PPP4R4: variants seen among roughly 807,000 people sequenced by gnomAD.
The protein encoded by PPP4R4 is serine/threonine-protein phosphatase 4 regulatory subunit 4.
A neutral mutation model predicts 121.8 loss-of-function variants in PPP4R4; 70 were observed. The observed-to-expected ratio is 0.57, with a 90% CI of 0.47 to 0.70. The LOEUF is 0.70. PPP4R4 is among the 30% of genes least tolerant of loss of function. The pLI, the probability that PPP4R4 is intolerant of heterozygous loss-of-function variation, is 0.00. For synonymous variants in PPP4R4, 348 were observed against 355.7 expected (o/e 0.98, Z 0.24); for missense variants, 875 against 1,033.6 (o/e 0.85, Z 2.10).
chr14:94,234,749 C>A, intron 7 of PPP4R4, 80 bp downstream of exon 7: 1 of 988,864 alleles, frequency 1.0e-6, no homozygotes, highest in Non-Finnish European at 1.6e-6. Context: ...TAAAAATGAT[C>A]ATAACAAGTA....
intron 3 of PPP4R4, among the ~76,000 whole-genome samples, chr14:94,219,896 G>A (rs993044052): frequency 3.3e-5 from 5 of 152,122 alleles, no homozygotes; most frequent in Non-Finnish European, 5.9e-5. Flanking sequence ...AACAGTTTTA[G>A]TCTAGTCTAG....
chr14:94,215,326 G>T (rs1031346705), intron 3 of PPP4R4, among the ~76,000 whole-genome samples: 2 of 152,102 alleles, frequency 1.3e-5, no homozygotes, highest in African/African-American at 4.8e-5. Flanking sequence ...CCAAGAAAAA[G>T]AAATAGTTTT....
intron 3 of PPP4R4, among the ~76,000 whole-genome samples, chr14:94,219,472 A>C (rs992748843): frequency 6.6e-6 from 1 of 152,236 alleles, no homozygotes; most frequent in Admixed American, 6.5e-5. Context: ...TGTAAAGGAA[A>C]TAACAATTCT....
At chr14:94,227,986 C>A in intron 3 of PPP4R4, 1 of 601,996 alleles carries the variant, frequency 1.7e-6, no homozygotes, top group Non-Finnish European at 2.1e-6. Flanking sequence ...AGACCACTTG[C>A]TGCTTCTGCT....
At chr14:94,227,528 C>T (rs1891785033) in intron 3 of PPP4R4, 6 of 1,322,574 alleles carry the variant, frequency 4.5e-6, no homozygotes, top group Non-Finnish European at 5.8e-6. Flanking sequence ...AAGAGAAAAA[C>T]CCAAATCCTG....
At chr14:94,203,861 CTT>C (rs370892471) in intron 2 of PPP4R4, among the ~76,000 whole-genome samples, 35 of 152,202 alleles carry the variant, frequency 2.3e-4, no homozygotes, top group African/African-American at 8.2e-4. Flanking sequence ...TCCCTCATGT[CTT>C]TTACCCATTT....
chr14:94,227,472 TG>T, intron 3 of PPP4R4: 1 of 1,476,102 alleles, frequency 6.8e-7, no homozygotes, highest in Non-Finnish European at 9.0e-7. Context: ...TAGTCTGTGC[TG>T]GTTTCTTAAC....
At chr14:94,275,683 G>C (rs577432058) in intron 24 of PPP4R4, among the ~76,000 whole-genome samples, 162 bp downstream of exon 24, 1 of 152,116 alleles carries the variant, frequency 6.6e-6, no homozygotes, top group South Asian at 2.1e-4. Context: ...TGTTATGTTA[G>C]TTTATATAGA....
chr14:94,209,456 G>A (rs545222162), intron 3 of PPP4R4, among the ~76,000 whole-genome samples: 4 of 152,174 alleles, frequency 2.6e-5, no homozygotes, highest in African/African-American at 9.6e-5. Flanking sequence ...TAGTTACTGT[G>A]ATTTAGATCA....
At chr14:94,240,946 A>G in intron 9 of PPP4R4, 151 bp downstream of exon 9, 1 of 1,049,874 alleles carries the variant, frequency 9.5e-7, no homozygotes. Context: ...TGATAGCATC[A>G]TTTAGAGCAC....
chr14:94,267,120 G>A, intron 23 of PPP4R4, 91 bp downstream of exon 23: 1 of 776,900 alleles, frequency 1.3e-6, no homozygotes, highest in Non-Finnish European at 2.0e-6. Context: ...ACTAGATGTA[G>A]TGTTTTCTTA....
At chr14:94,249,321 C>A (rs1344971750) in intron 14 of PPP4R4, among the ~76,000 whole-genome samples, 1 of 151,954 alleles carries the variant, frequency 6.6e-6, no homozygotes, top group Non-Finnish European at 1.5e-5. Context: ...AAAAACCCCA[C>A]TCAAATTGTA....
chr14:94,202,625 A>G (rs555835047), intron 2 of PPP4R4, among the ~76,000 whole-genome samples: 14 of 152,346 alleles, frequency 9.2e-5, no homozygotes, highest in African/African-American at 3.4e-4. Flanking sequence ...TCAGATTTCC[A>G]CATGCAGTGA....
intron 3 of PPP4R4, among the ~76,000 whole-genome samples, chr14:94,215,945 T>C (rs1890996917): frequency 6.6e-6 from 1 of 152,214 alleles, no homozygotes; most frequent in African/African-American, 2.4e-5. Context: ...TATATAGTTA[T>C]ATTAGCTGGT....
chr14:94,250,526 G>A lies in PPP4R4; in HGVS notation c.1717+249G>A, dbSNP rs560956854. ...TAAAATATATTTACTTATATTGAAA[G>A]CCCAGTATCTCCCCTGATGAAATAG... is the stretch of plus-strand genomic sequence containing the variant. On this transcript the variant is annotated intron_variant, in intron 15 of 24. Transcript: ENST00000304338. Among the ~76,000 whole-genome samples, 3 of 152,010 alleles carry A rather than the reference G, an allele frequency of 2.0e-5. No homozygotes were observed. The East Asian group carries it at 5.8e-4, about 29-fold the overall frequency.
intron 2 of PPP4R4, among the ~76,000 whole-genome samples, chr14:94,188,454 T>C (rs750738529): frequency 5.3e-5 from 8 of 152,174 alleles, no homozygotes; most frequent in Non-Finnish European, 8.8e-5. Context: ...CAAAATGCCT[T>C]GTATTCTGTT....
intron 19 of PPP4R4, among the ~76,000 whole-genome samples, chr14:94,261,385 T>C (rs1893776771): frequency 1.3e-5 from 2 of 152,130 alleles, no homozygotes; most frequent in Admixed American, 6.5e-5. Flanking sequence ...GTTGCTGGAG[T>C]ATAAGAATAC....
At chr14:94,261,754 C>G (rs1015972786) in intron 19 of PPP4R4, among the ~76,000 whole-genome samples, 23 of 151,918 alleles carry the variant, frequency 1.5e-4, no homozygotes, top group African/African-American at 5.3e-4. Flanking sequence ...TCCTAGTTTG[C>G]TAGGAGTTTT....
In PPP4R4 at chr14:94,244,634, G is replaced by T; in HGVS notation, c.1267-1G>T. 6.7e-7 allele frequency: 1 copy of T among 1,486,098 alleles called. No homozygotes were observed. The highest frequency in any genetic ancestry group is 9.1e-7 in the Non-Finnish European group (1 of 1,096,596). The allele number at this position is 1,486,098 out of a possible 1,614,324, so 92.1% of individuals were successfully genotyped here. A position where few individuals can be genotyped will look rare whatever the true frequency, so the allele number is the denominator to read the frequency against. ...TGAGAGACTTTATTGCTATATTTTAGGTATCTAAGCTTCTGAATTCTGGAG... is the reference window on the plus strand; with the variant it reads ...TGAGAGACTTTATTGCTATATTTTATGTATCTAAGCTTCTGAATTCTGGAG... On this transcript the variant is annotated splice_acceptor_variant, in intron 11 of 24. Coordinates refer to ENST00000304338, the MANE Select transcript of PPP4R4 (RefSeq NM_058237.2). LOFTEE classifies it high-confidence loss of function.
Sources: gnomAD v4.1 joint callset for allele counts (sites outside exome capture counted in the v4.1 genomes callset) on GRCh38, gnomAD v4.1.1 for gene constraint, MANE v1.5 for transcripts, NCBI Gene and HGNC (gene_info 2026-07-23, HGNC 2026-07-21) for gene names.